The following RGS5 variants were observed in gnomAD, a reference collection of about 807,000 sequenced individuals.
RGS5 encodes the protein regulator of G protein signaling 5.
In RGS5, 20 loss-of-function variants were observed where a neutral mutation model predicts 18.9. That is an observed-to-expected ratio of 1.06 (90% CI 0.74 to 1.54). RGS5 has a LOEUF of 1.54. Ranked by LOEUF, RGS5 falls within the 40% of genes most tolerant of loss-of-function variation. The pLI, the probability that RGS5 is intolerant of heterozygous loss-of-function variation, is 0.00. For missense variants in RGS5, 201 were observed against 211.8 expected (o/e 0.95, Z 0.32); for synonymous variants, 57 against 76.2 (o/e 0.75, Z 1.31).
intron 2 of RGS5, among the ~76,000 whole-genome samples, chr1:163,229,459 G>A (rs947982945): frequency 6.6e-6 from 1 of 152,086 alleles, no homozygotes; most frequent in African/African-American, 2.4e-5. Context: ...ATGTGGGTGG[G>A]GACACAGAGC....
At chr1:163,159,909 A>G (rs538766540) in intron 3 of RGS5, among the ~76,000 whole-genome samples, 1 of 152,196 alleles carries the variant, frequency 6.6e-6, no homozygotes, top group African/African-American at 2.4e-5. Flanking sequence ...ACACACATAC[A>G]TACATGAACA....
intron 2 of RGS5, among the ~76,000 whole-genome samples, chr1:163,303,443 C>T (rs561128442): frequency 1.5e-4 from 23 of 152,154 alleles, no homozygotes; most frequent in Non-Finnish European, 2.2e-4. Flanking sequence ...AAAAAGAGAT[C>T]TCTCAGAGAC....
intron 3 of RGS5, among the ~76,000 whole-genome samples, chr1:163,153,226 G>A (rs1657447747): frequency 6.6e-6 from 1 of 152,036 alleles, no homozygotes; most frequent in African/African-American, 2.4e-5. Context: ...TATGTCCCAA[G>A]CACTATGATT....
intron 1 of RGS5, among the ~76,000 whole-genome samples, chr1:163,175,320 G>A (rs1264822516): frequency 6.6e-6 from 1 of 152,120 alleles, no homozygotes; most frequent in East Asian, 1.9e-4. Flanking sequence ...GTCCCTGCGC[G>A]GGCCTATCAA....
At chr1:163,152,339 C>A (rs1657405888) in intron 4 of RGS5, 1 of 441,320 alleles carries the variant, frequency 2.3e-6, no homozygotes, top group East Asian at 3.3e-5. Context: ...GGAGGTGAGA[C>A]CCATAAAACT....
intron 1 of RGS5, among the ~76,000 whole-genome samples, chr1:163,182,738 T>C (rs1389493128): frequency 2.0e-5 from 3 of 152,166 alleles, no homozygotes; most frequent in Admixed American, 6.5e-5. Flanking sequence ...ATGGTTTATT[T>C]TGAGTTCCAA....
chr1:163,300,274 C>T (rs1649519547), intron 2 of RGS5: 1 of 152,164 alleles, frequency 6.6e-6, no homozygotes. Context: ...AGAGTGTCCT[C>T]TTGCAGGTGG....
rs1309478680 is a variant in RGS5 at position 163,254,315 on chromosome 1, C to G, written c.-281+51918G>C. Among the ~76,000 whole-genome samples, 429 of 151,642 alleles carry G rather than the reference C, an allele frequency of 2.8e-3. 1 individual carries two copies. Among genetic ancestry groups the G allele is most frequent in the African/African-American group, 7.5e-3 (311 of 41,304 alleles). The stretch of plus-strand genomic sequence containing the variant: ...CTCCACATCCTCTCCAGCACCTGTT[C>G]TTTCCTGACTTTTTAATGATTGCCA... On this transcript the variant is annotated intron_variant, in intron 2 of 5. Transcript: ENST00000618415.
intron 2 of RGS5, among the ~76,000 whole-genome samples, chr1:163,275,284 T>C (rs1391249102): frequency 6.6e-6 from 1 of 152,150 alleles, no homozygotes; most frequent in Non-Finnish European, 1.5e-5. Context: ...CTGATCAACC[T>C]AGGACATTCA....
At chr1:163,267,190 T>C (rs1406153625) in intron 2 of RGS5, 1 of 152,066 alleles carries the variant, frequency 6.6e-6, no homozygotes, top group Admixed American at 6.6e-5. Context: ...AGTGTTCTTC[T>C]AAATGGAGAT....
At chr1:163,226,513 C>G (rs1387141968) in intron 2 of RGS5, among the ~76,000 whole-genome samples, 1 of 152,082 alleles carries the variant, frequency 6.6e-6, no homozygotes, top group African/African-American at 2.4e-5. Context: ...CAAAAGAGGG[C>G]ACGTTGGGAC....
At chr1:163,223,249 C>T (rs1647268474) in intron 2 of RGS5, among the ~76,000 whole-genome samples, 1 of 152,174 alleles carries the variant, frequency 6.6e-6, no homozygotes, top group East Asian at 1.9e-4. Flanking sequence ...AAAGCACCCA[C>T]CTTGTCATAT....
intron 2 of RGS5, among the ~76,000 whole-genome samples, chr1:163,287,105 T>A (rs538429668): frequency 6.6e-6 from 1 of 152,274 alleles, no homozygotes; most frequent in African/African-American, 2.4e-5. Flanking sequence ...AAGTAAAAAA[T>A]TAGTAATATT....
At chr1:163,203,420 A>G (rs1659854958), upstream of RGS5, among the ~76,000 whole-genome samples, 1 of 152,168 alleles carries the variant, frequency 6.6e-6, no homozygotes, top group Admixed American at 6.5e-5. Flanking sequence ...AAGAAAGAGA[A>G]AGCTCCCTGC....
At chr1:163,252,650 T>G (rs1648140510) in intron 2 of RGS5, among the ~76,000 whole-genome samples, 1 of 151,220 alleles carries the variant, frequency 6.6e-6, no homozygotes. Flanking sequence ...AGAACAAAAT[T>G]TATGGCAATG....
intron 2 of RGS5, among the ~76,000 whole-genome samples, chr1:163,167,771 G>A (rs1307172109): frequency 1.3e-5 from 2 of 152,158 alleles, no homozygotes; most frequent in Admixed American, 1.3e-4. Context: ...GAGAAGGAAC[G>A]ATTAGGCTGA....
chr1:163,240,293 T>C (rs1006390355), intron 2 of RGS5, among the ~76,000 whole-genome samples: 3 of 151,976 alleles, frequency 2.0e-5, no homozygotes, highest in Non-Finnish European at 2.9e-5. Flanking sequence ...AAAAAAAGAA[T>C]AGACTAATAG....
chr1:163,220,243 G>A (rs1009007159), upstream of RGS5, among the ~76,000 whole-genome samples: 3 of 151,972 alleles, frequency 2.0e-5, no homozygotes, highest in Non-Finnish European at 4.4e-5. Context: ...TTTCTACTGG[G>A]TTGTGTACCT....
chr1:163,217,732 C>G (rs1013364467), upstream of RGS5: 1 of 1,186,794 alleles, frequency 8.4e-7, no homozygotes, highest in African/African-American at 1.5e-5. Context: ...GAGCTACTGA[C>G]TAAAAGTATC....
Sources: gnomAD v4.1 joint callset for allele counts (sites outside exome capture counted in the v4.1 genomes callset) on GRCh38, gnomAD v4.1.1 for gene constraint, MANE v1.5 for transcripts, NCBI Gene and HGNC (gene_info 2026-07-23, HGNC 2026-07-21) for gene names.